The following RBFOX1 variants were observed in gnomAD, a reference collection of about 807,000 sequenced individuals.
The protein encoded by RBFOX1 is RNA binding protein fox-1 homolog 1.
RBFOX1 carries 8 observed loss-of-function variants against 57.7 expected under a neutral mutation model. The observed-to-expected ratio is 0.14, with a 90% CI of 0.08 to 0.25. The LOEUF (loss-of-function observed/expected upper bound fraction) is 0.25, where lower values mean the gene tolerates loss of function less well. Among genes scored for constraint, RBFOX1 ranks in the 10% least tolerant of loss-of-function variants. The pLI, the probability that RBFOX1 is intolerant of heterozygous loss-of-function variation, is 1.00. For synonymous variants in RBFOX1, 326 were observed against 222.4 expected, an observed-to-expected ratio of 1.47 and a Z score of -4.15; for missense variants, 611 against 548.5, an observed-to-expected ratio of 1.11 and a Z score of -1.14.
chr16:7,199,407 G>A (rs1567675612), intron 4 of RBFOX1, among the ~76,000 whole-genome samples: 1 of 152,114 alleles, frequency 6.6e-6, no homozygotes, highest in Admixed American at 6.5e-5. Flanking sequence ...TTCCAAATAG[G>A]CCCTGAATCA....
intron 3 of RBFOX1, among the ~76,000 whole-genome samples, chr16:6,657,972 A>C (rs1408446644): frequency 6.6e-6 from 1 of 151,848 alleles, no homozygotes; most frequent in East Asian, 1.9e-4. Flanking sequence ...CTTCGTTTCC[A>C]GATATTCCAC....
chr16:5,325,503 CATATAT>C (rs2064544037), intron 1 of RBFOX1, among the ~76,000 whole-genome samples: 1 of 152,120 alleles, frequency 6.6e-6, no homozygotes, highest in Admixed American at 6.6e-5. Flanking sequence ...AATTTTAACA[CATATAT>C]AGATTTGCAT....
At chr16:6,020,488 C>G (rs4786803) in intron 1 of RBFOX1, among the ~76,000 whole-genome samples, 75,240 of 151,892 alleles carry the variant, frequency 0.5, 20,376 homozygotes, top group African/African-American at 0.73. Context: ...AGAGAAGGCT[C>G]ACTTATGTGG....
chr16:7,212,121 G>T (rs1032818947), intron 4 of RBFOX1, among the ~76,000 whole-genome samples: 33 of 152,202 alleles, frequency 2.2e-4, no homozygotes, highest in African/African-American at 7.7e-4. Flanking sequence ...ATGCATGGAA[G>T]GAAGGTGGAT....
intron 3 of RBFOX1, among the ~76,000 whole-genome samples, chr16:5,738,402 C>G (rs750891811): frequency 3.5e-4 from 53 of 151,604 alleles, no homozygotes; most frequent in Non-Finnish European, 6.5e-4. Context: ...GAGGCCAAGG[C>G]AAGCAGATCA....
intron 4 of RBFOX1, among the ~76,000 whole-genome samples, chr16:5,937,757 A>G (rs1489625189): frequency 6.7e-6 from 1 of 149,302 alleles, no homozygotes; most frequent in Non-Finnish European, 1.5e-5. Flanking sequence ...ATATGTACAG[A>G]TACAAATATA....
chr16:5,890,206 C>G (rs61602208), intron 4 of RBFOX1, among the ~76,000 whole-genome samples: 8,875 of 152,154 alleles, frequency 0.058, 289 homozygotes, highest in African/African-American at 0.077. Flanking sequence ...CTCTTTAAGC[C>G]TCTTGTCCTC....
downstream of RBFOX1, among the ~76,000 whole-genome samples, chr16:5,603,830 C>G (rs181054156): frequency 6.6e-6 from 1 of 152,308 alleles, no homozygotes; most frequent in East Asian, 1.9e-4. Context: ...CTTTTGGGTT[C>G]ACTCTGGAGC....
chr16:5,292,713 T>G (rs951355333), intron 1 of RBFOX1, among the ~76,000 whole-genome samples: 7 of 152,064 alleles, frequency 4.6e-5, no homozygotes, highest in Admixed American at 4.6e-4. Flanking sequence ...AACCTCTGCC[T>G]CACTGGTTCA....
intron 1 of RBFOX1, among the ~76,000 whole-genome samples, chr16:5,268,390 A>G (rs1441615600): frequency 6.6e-5 from 10 of 152,228 alleles, no homozygotes; most frequent in African/African-American, 7.2e-5. Context: ...AGAGTCAACA[A>G]CAAGTACAGG....
At chr16:5,978,938 C>G (rs749270997) in intron 4 of RBFOX1, among the ~76,000 whole-genome samples, 5 of 152,190 alleles carry the variant, frequency 3.3e-5, no homozygotes, top group Non-Finnish European at 5.9e-5. Context: ...TGTGAAGTCA[C>G]TGTGTTTCCC....
intron 4 of RBFOX1, among the ~76,000 whole-genome samples, chr16:7,084,039 A>C (rs532352279): frequency 3.3e-5 from 5 of 152,214 alleles, no homozygotes; most frequent in African/African-American, 1.2e-4. Context: ...ATCATCTTTC[A>C]GGTCATTTAC....
At chr16:5,385,326 A>G (rs1199547786) in intron 1 of RBFOX1, among the ~76,000 whole-genome samples, 2 of 152,160 alleles carry the variant, frequency 1.3e-5, no homozygotes, top group Non-Finnish European at 2.9e-5. Flanking sequence ...AGCCTTTACT[A>G]TTTACCTGTG....
chr16:6,733,530 C>T (rs1365771028), intron 3 of RBFOX1, among the ~76,000 whole-genome samples: 1 of 152,096 alleles, frequency 6.6e-6, no homozygotes, highest in African/African-American at 2.4e-5. Flanking sequence ...TATAATGAAC[C>T]ATTTAATAAT....
At chr16:6,953,595 C>T (rs1437454682) in intron 3 of RBFOX1, among the ~76,000 whole-genome samples, 1 of 152,112 alleles carries the variant, frequency 6.6e-6, no homozygotes, top group African/African-American at 2.4e-5. Flanking sequence ...CCATGTTGGC[C>T]AGCGTGGTCT....
intron 3 of RBFOX1, among the ~76,000 whole-genome samples, chr16:5,849,130 C>T (rs912700516): frequency 5.3e-5 from 8 of 152,040 alleles, no homozygotes; most frequent in African/African-American, 1.4e-4. Context: ...ATTGGAGCGT[C>T]GTTGGGGTCA....
chr16:7,127,053 C>G (rs1445051012), intron 4 of RBFOX1, among the ~76,000 whole-genome samples: 3 of 150,782 alleles, frequency 2.0e-5, no homozygotes, highest in Non-Finnish European at 4.4e-5. Flanking sequence ...AAGAGAAAAT[C>G]TGGTTGGTCC....
chr16:7,624,730 C>G (rs1028293717), intron 10 of RBFOX1, among the ~76,000 whole-genome samples: 8 of 152,138 alleles, frequency 5.3e-5, no homozygotes, highest in Non-Finnish European at 1.2e-4. Flanking sequence ...TGAGTAAGCT[C>G]CTTTCCTCGG....
intron 4 of RBFOX1, among the ~76,000 whole-genome samples, chr16:7,475,250 C>G (rs1341017048): frequency 6.6e-6 from 1 of 151,244 alleles, no homozygotes; most frequent in Admixed American, 6.6e-5. Context: ...CTGTTTTCAA[C>G]ACTCCTTCAA....
Sources: allele counts gnomAD v4.1 joint callset (sites outside exome capture counted in the v4.1 genomes callset), GRCh38; gene constraint gnomAD v4.1.1; transcripts MANE v1.5; gene names NCBI Gene and HGNC (gene_info 2026-07-23, HGNC 2026-07-21).